The following ZNF385D variants were observed in gnomAD, a reference collection of about 807,000 sequenced individuals.
ZNF385D encodes zinc finger protein 385D.
A neutral mutation model predicts 35.8 loss-of-function variants in ZNF385D; 15 were observed. The ratio of observed to expected loss-of-function variants is 0.42; its 90% CI spans 0.28 to 0.64. The LOEUF is 0.64. ZNF385D is among the 30% of genes least tolerant of loss of function. The pLI, the probability that ZNF385D is intolerant of heterozygous loss-of-function variation, is 0.23. For missense variants in ZNF385D, 474 were observed against 494.6 expected, an observed-to-expected ratio of 0.96 and a Z score of 0.39; for synonymous variants, 212 against 186.8, an observed-to-expected ratio of 1.13 and a Z score of -1.10.
intron 3 of ZNF385D, among the ~76,000 whole-genome samples, chr3:21,894,801 A>G (rs534069512): frequency 6.6e-6 from 1 of 152,278 alleles, no homozygotes; most frequent in Admixed American, 6.5e-5. Flanking sequence ...GTGAGCATAT[A>G]ACTGCAGTGT....
chr3:22,027,002 A>T (rs998473094), intron 3 of ZNF385D, among the ~76,000 whole-genome samples: 3 of 152,226 alleles, frequency 2.0e-5, no homozygotes, highest in African/African-American at 7.2e-5. Flanking sequence ...ATATCCTGGT[A>T]CCTGGTATGC....
At chr3:21,787,944 C>CAAAAAAAAAAAAAAAAAAAAAAAAAAA (rs560982379) in intron 3 of ZNF385D, among the ~76,000 whole-genome samples, 5 of 75,388 alleles carry the variant, frequency 6.6e-5, no homozygotes, top group East Asian at 5.7e-4. Flanking sequence ...TTCGTCTCAA[C>CAAAAAAAAAAAAAAAAAAAAAAAAAAA]AAAAAAAAAA....
intron 3 of ZNF385D, among the ~76,000 whole-genome samples, chr3:22,135,988 C>T (rs1202293839): frequency 1.3e-5 from 2 of 152,042 alleles, no homozygotes; most frequent in African/African-American, 2.4e-5. Flanking sequence ...TGGGTCACAC[C>T]CTTGACATAA....
At chr3:22,286,326 T>G (rs1486346567) in intron 2 of ZNF385D, among the ~76,000 whole-genome samples, 1 of 152,124 alleles carries the variant, frequency 6.6e-6, no homozygotes, top group Non-Finnish European at 1.5e-5. Flanking sequence ...TCTATTAATT[T>G]TGCTTATCTT....
At chr3:21,619,833 A>G (rs993738317) in intron 2 of ZNF385D, among the ~76,000 whole-genome samples, 1 of 152,148 alleles carries the variant, frequency 6.6e-6, no homozygotes, top group Non-Finnish European at 1.5e-5. Context: ...AATCCCTAGT[A>G]ATTTGTCCAC....
intron 3 of ZNF385D, among the ~76,000 whole-genome samples, chr3:22,162,627 C>A (rs529384635): frequency 3.3e-5 from 5 of 152,282 alleles, no homozygotes; most frequent in Middle Eastern, 3.4e-3. Flanking sequence ...GACTCCACCC[C>A]CCTTGCACTA....
intron 2 of ZNF385D, among the ~76,000 whole-genome samples, chr3:21,601,081 T>G (rs1464363512): frequency 6.6e-6 from 1 of 152,180 alleles, no homozygotes; most frequent in African/African-American, 2.4e-5. Flanking sequence ...AATGTTCTTT[T>G]TTCAAGGAGG....
intron 2 of ZNF385D, among the ~76,000 whole-genome samples, chr3:22,171,842 A>T (rs903228687): frequency 6.8e-6 from 1 of 147,166 alleles, no homozygotes; most frequent in African/African-American, 2.6e-5. Context: ...ACGCCACTAC[A>T]TCCCAGCCTG....
At chr3:22,327,952 CTGAAG>C (rs1247193542) in intron 2 of ZNF385D, among the ~76,000 whole-genome samples, 1 of 152,194 alleles carries the variant, frequency 6.6e-6, no homozygotes. Flanking sequence ...CTGGAAGAAA[CTGAAG>C]TAACATTAAG....
chr3:22,025,651 G>T (rs563704657), intron 3 of ZNF385D, among the ~76,000 whole-genome samples: 2 of 152,254 alleles, frequency 1.3e-5, no homozygotes, highest in South Asian at 2.1e-4. Context: ...TGGATTAAAA[G>T]ATGGCCCACT....
chr3:22,017,800 T>G (rs1418524202), intron 3 of ZNF385D, among the ~76,000 whole-genome samples: 1 of 151,940 alleles, frequency 6.6e-6, no homozygotes, highest in African/African-American at 2.4e-5. Flanking sequence ...CTGCCCAAAT[T>G]ATTTTATATT....
rs565873358 is a variant in ZNF385D, at chr3:22,327,268, C to A, written c.106+45182G>T. ...TACAAGTTGGATTCTGTAAATAAAA[C>A]TTTACCTCCAAAAAGAGTAAAAAGA... On this transcript the variant is annotated intron_variant, in intron 2 of 5. Coordinates refer to the ZNF385D transcript ENST00000494108. 1.2e-3 allele frequency among the ~76,000 whole-genome samples: 179 copies of A among 152,250 alleles called. 1 individual carries two copies. The highest frequency in any genetic ancestry group is 4.1e-3 in the African/African-American group (169 of 41,554).
chr3:21,580,652 G>GTTATC (rs1390544611), intron 2 of ZNF385D, among the ~76,000 whole-genome samples: 27 of 151,518 alleles, frequency 1.8e-4, no homozygotes, highest in African/African-American at 6.1e-4. Context: ...TTCTCTGTAG[G>GTTATC]TTATCTTTTT....
intron 3 of ZNF385D, among the ~76,000 whole-genome samples, chr3:21,762,790 T>G (rs1187113722): frequency 1.3e-5 from 2 of 152,146 alleles, no homozygotes; most frequent in Non-Finnish European, 2.9e-5. Flanking sequence ...GTGGACCATA[T>G]CCAGTGATCA....
intron 4 of ZNF385D, among the ~76,000 whole-genome samples, chr3:21,440,848 CAT>C (rs1267517602): frequency 2.0e-5 from 3 of 152,040 alleles, no homozygotes; most frequent in Non-Finnish European, 2.9e-5. Flanking sequence ...GGCTTTATAG[CAT>C]AGTTTTCTTA....
intron 2 of ZNF385D, among the ~76,000 whole-genome samples, chr3:22,197,306 T>A (rs529830469): frequency 1.3e-5 from 2 of 152,140 alleles, no homozygotes; most frequent in South Asian, 4.2e-4. Flanking sequence ...AGGACTATAG[T>A]TACACCTGCA....
intron 3 of ZNF385D, among the ~76,000 whole-genome samples, chr3:22,071,846 T>C (rs966897652): frequency 2.6e-5 from 4 of 152,124 alleles, no homozygotes; most frequent in African/African-American, 7.2e-5. Context: ...CTTTTTGCTC[T>C]GCCATCTGTG....
intron 3 of ZNF385D, among the ~76,000 whole-genome samples, chr3:21,827,054 T>A (rs563275593): frequency 6.6e-6 from 1 of 152,280 alleles, no homozygotes; most frequent in Non-Finnish European, 1.5e-5. Context: ...TTAAAAGTAA[T>A]GGCAAAAGTG....
chr3:21,467,090 T>C (rs1323052841), intron 4 of ZNF385D, among the ~76,000 whole-genome samples: 1 of 152,192 alleles, frequency 6.6e-6, no homozygotes, highest in Non-Finnish European at 1.5e-5. Context: ...GTTTATTTCA[T>C]TAATGCCCCC....
Sources: gnomAD v4.1 joint callset for allele counts (sites outside exome capture counted in the v4.1 genomes callset) on GRCh38, gnomAD v4.1.1 for gene constraint, MANE v1.5 for transcripts, NCBI Gene and HGNC (gene_info 2026-07-23, HGNC 2026-07-21) for gene names.